ST3GAL1: variants seen among roughly 807,000 people sequenced by gnomAD.
ST3GAL1 encodes the protein CMP-N-acetylneuraminate-beta-galactosamide-alpha-2,3-sialyltransferase 1.
Under a neutral mutation model 34.1 loss-of-function variants are expected in ST3GAL1, and 16 were observed. That is an observed-to-expected ratio of 0.47 (90% CI 0.32 to 0.71). The LOEUF is 0.71. ST3GAL1 is among the 30% of genes least tolerant of loss of function. The probability of loss-of-function intolerance (pLI) is 0.04; values close to 1 mark genes in which losing one functional copy is unlikely to be tolerated. For missense variants in ST3GAL1, 353 were observed against 447.4 expected, an observed-to-expected ratio of 0.79 and a Z score of 1.90; for synonymous variants, 191 against 184.7, an observed-to-expected ratio of 1.03 and a Z score of -0.28.
intron 2 of ST3GAL1, among the ~76,000 whole-genome samples, chr8:133,523,302 A>G (rs1817866634): frequency 6.6e-6 from 1 of 151,948 alleles, no homozygotes; most frequent in Admixed American, 6.6e-5. Flanking sequence ...CCCCATGCAC[A>G]CCTCTGTCCT....
At chr8:133,516,851 GCT>G (rs1321252983) in intron 2 of ST3GAL1, among the ~76,000 whole-genome samples, 2 of 152,174 alleles carry the variant, frequency 1.3e-5, no homozygotes, top group African/African-American at 2.4e-5. Context: ...TGATAGGCAG[GCT>G]CTCTAAGAAC....
rs1563734505 is a variant in ST3GAL1, at chr8:133,541,072, T to TATATAGAC, written c.-429+4701_-429+4702insGTCTATAT. 3.8e-4 allele frequency among the ~76,000 whole-genome samples: 34 copies of TATATAGAC among 88,646 alleles called. 3 individuals are homozygous for TATATAGAC. Among genetic ancestry groups the TATATAGAC allele is most frequent in the African/African-American group, 1.8e-3 (33 of 18,300 alleles). 58.2% of individuals were successfully genotyped at this position (88,646 alleles called of 152,430 possible). A position where few individuals can be genotyped will look rare whatever the true frequency, so the allele number is the denominator to read the frequency against. ...ATATATAGACATATATATATAGACA[T>TATATAGAC]ATATATAGACATATATATATAAACA... On this transcript the variant is annotated intron_variant, in intron 2 of 9. Transcript: ENST00000522652.
chr8:133,482,627 A>G (rs1231091780), intron 3 of ST3GAL1, among the ~76,000 whole-genome samples: 2 of 152,184 alleles, frequency 1.3e-5, no homozygotes, highest in African/African-American at 2.4e-5. Flanking sequence ...ATGACTTCCA[A>G]TGCAACACAT....
Position 133,457,581 on chromosome 8 carries a change from A to T in ST3GAL1, c.*2183T>A, listed in dbSNP as rs1815347193. 1 of 152,196 alleles carries T rather than the reference A, an allele frequency of 6.6e-6. No homozygotes were observed. Among genetic ancestry groups the T allele is most frequent in the African/African-American group, 2.4e-5 (1 of 41,438 alleles). 9.4% of individuals were successfully genotyped at this position (152,196 alleles called of 1,614,324 possible). A position where few individuals can be genotyped will look rare whatever the true frequency, so the allele number is the denominator to read the frequency against. Reference sequence around the variant, plus strand: ...TACCAGCCTTTCTCAGAAAAAAGAAAAGTCTTTAAAGTTTTGGAGGATTTT... The same window carrying T: ...TACCAGCCTTTCTCAGAAAAAAGAATAGTCTTTAAAGTTTTGGAGGATTTT... On this transcript the variant is annotated 3_prime_UTR_variant, in exon 10 of 10. Transcript: ENST00000522652.
intron 2 of ST3GAL1, among the ~76,000 whole-genome samples, chr8:133,530,796 T>C (rs1028923674): frequency 2.0e-5 from 3 of 152,210 alleles, no homozygotes; most frequent in Admixed American, 2.0e-4. Context: ...GGGGACTTCC[T>C]GGGGCCAGCA....
At chr8:133,513,239 G>A (rs944051620) in intron 2 of ST3GAL1, among the ~76,000 whole-genome samples, 20 of 152,162 alleles carry the variant, frequency 1.3e-4, no homozygotes, top group African/African-American at 3.9e-4. Flanking sequence ...GCCTTCACTC[G>A]TGACTTTGCC....
At chr8:133,560,463 C>T (rs1435406760) in intron 1 of ST3GAL1, among the ~76,000 whole-genome samples, 1 of 152,204 alleles carries the variant, frequency 6.6e-6, no homozygotes, top group African/African-American at 2.4e-5. Flanking sequence ...GGGGAGAAGA[C>T]TCAGAGCCCC....
At chr8:133,502,426 T>TA (rs57572575) in intron 2 of ST3GAL1, among the ~76,000 whole-genome samples, 31,964 of 140,516 alleles carry the variant, frequency 0.23, 3,697 homozygotes, top group South Asian at 0.27. Context: ...GATGTCCTTA[T>TA]AAAAAAAAAA....
intron 1 of ST3GAL1, among the ~76,000 whole-genome samples, chr8:133,558,984 T>C (rs556689878): frequency 2.0e-5 from 3 of 152,190 alleles, no homozygotes; most frequent in East Asian, 3.9e-4. Context: ...AAGCTGTGCA[T>C]ATCAGGTGAA....
At chr8:133,564,300 G>C (rs1819328168) in intron 1 of ST3GAL1, among the ~76,000 whole-genome samples, 1 of 152,164 alleles carries the variant, frequency 6.6e-6, no homozygotes, top group Admixed American at 6.5e-5. Context: ...TTTTTCTAGT[G>C]TTCTCTCTAA....
At chr8:133,526,476 A>G (rs1258285438) in intron 2 of ST3GAL1, among the ~76,000 whole-genome samples, 1 of 152,200 alleles carries the variant, frequency 6.6e-6, no homozygotes, top group Non-Finnish European at 1.5e-5. Context: ...ACCAGCCAGC[A>G]TCTTTCTTTT....
intron 1 of ST3GAL1, among the ~76,000 whole-genome samples, chr8:133,551,835 T>C (rs2945780): frequency 1.3e-5 from 2 of 152,246 alleles, no homozygotes; most frequent in Non-Finnish European, 2.9e-5. Context: ...CTAAGCCCTT[T>C]ATACTCAAAA....
At chr8:133,539,759 T>C (rs1179415503) in intron 2 of ST3GAL1, 2 of 151,970 alleles carry the variant, frequency 1.3e-5, no homozygotes, top group East Asian at 3.9e-4. Flanking sequence ...TAGCCAGGCA[T>C]GGTGGCGCAC....
At chr8:133,479,986 CTCCCGGAAAT>C (rs1816321633) in intron 3 of ST3GAL1, among the ~76,000 whole-genome samples, 1 of 152,176 alleles carries the variant, frequency 6.6e-6, no homozygotes, top group African/African-American at 2.4e-5. Flanking sequence ...CCAGCCCTGG[CTCCCGGAAAT>C]GACATCTGGG....
At position 133,463,469 on chromosome 8, in the gene ST3GAL1, G is replaced by C. The variant is rs200180441; in HGVS notation, c.684-10C>G. Reference sequence around the variant, plus strand: ...AACCGGGATGTAGGTGCTGCAGTTGGAGAAAGAGAAGCTGGTTAATGGGGC... The same window carrying C: ...AACCGGGATGTAGGTGCTGCAGTTGCAGAAAGAGAAGCTGGTTAATGGGGC... On this transcript the variant is annotated splice_polypyrimidine_tract_variant and intron_variant, in intron 7 of 9. Coordinates refer to ENST00000522652, the MANE Select transcript of ST3GAL1 (RefSeq NM_173344.3). The C allele has an allele frequency of 1.5e-5, 24 of 1,613,818 alleles. No individual in the cohort carries two copies. The African/African-American group carries it at 2.7e-4, about 18-fold the overall frequency.
At chr8:133,568,832 A>T (rs1400767471) in intron 1 of ST3GAL1, among the ~76,000 whole-genome samples, 2 of 151,946 alleles carry the variant, frequency 1.3e-5, no homozygotes, top group Non-Finnish European at 1.5e-5. Context: ...GGAGACAGAG[A>T]TCTACCTCAC....
chr8:133,513,448 T>C (rs932568890), intron 2 of ST3GAL1, among the ~76,000 whole-genome samples: 1 of 152,228 alleles, frequency 6.6e-6, no homozygotes, highest in African/African-American at 2.4e-5. Context: ...AGGCCTCCCA[T>C]ATTTATATAG....
At chr8:133,487,396 C>T (rs1816648360) in intron 3 of ST3GAL1, among the ~76,000 whole-genome samples, 1 of 152,048 alleles carries the variant, frequency 6.6e-6, no homozygotes, top group Admixed American at 6.5e-5. Flanking sequence ...CCAGGATCAT[C>T]ATTCCTCTGA....
intron 2 of ST3GAL1, among the ~76,000 whole-genome samples, chr8:133,524,687 T>G (rs1420692622): frequency 6.6e-6 from 1 of 152,256 alleles, no homozygotes; most frequent in Non-Finnish European, 1.5e-5. Flanking sequence ...GATGGACAGC[T>G]CCGGGCACTG....
Sources: allele counts gnomAD v4.1 joint callset (sites outside exome capture counted in the v4.1 genomes callset), GRCh38; gene constraint gnomAD v4.1.1; transcripts MANE v1.5; gene names NCBI Gene and HGNC (gene_info 2026-07-23, HGNC 2026-07-21).